Variants in ST3GAL2 observed in about 807,000 individuals in gnomAD.
ST3GAL2 encodes CMP-N-acetylneuraminate-beta-galactosamide-alpha-2,3-sialyltransferase 2.
Under a neutral mutation model 37.5 loss-of-function variants are expected in ST3GAL2, and 16 were observed. The observed-to-expected ratio is 0.43, with a 90% CI of 0.29 to 0.65. The LOEUF (loss-of-function observed/expected upper bound fraction) is 0.65, where lower values mean the gene tolerates loss of function less well. Among genes scored for constraint, ST3GAL2 ranks in the 30% least tolerant of loss-of-function variants. The probability of loss-of-function intolerance (pLI) is 0.17; values close to 1 mark genes in which losing one functional copy is unlikely to be tolerated. For synonymous variants in ST3GAL2, 238 were observed against 202.9 expected, an observed-to-expected ratio of 1.17 and a Z score of -1.47; for missense variants, 383 against 487.8, an observed-to-expected ratio of 0.79 and a Z score of 2.02.
intron 1 of ST3GAL2, among the ~76,000 whole-genome samples, chr16:70,414,884 A>T (rs1011593630): frequency 1.3e-5 from 2 of 149,364 alleles, no homozygotes; most frequent in African/African-American, 2.5e-5. Flanking sequence ...TTATTTATTT[A>T]TTTTTTTGAG....
intron 1 of ST3GAL2, among the ~76,000 whole-genome samples, chr16:70,418,990 G>T (rs1164587133): frequency 6.6e-6 from 1 of 152,172 alleles, no homozygotes; most frequent in African/African-American, 2.4e-5. Context: ...CTCCTAAAGG[G>T]CCCAACCCGG....
intron 1 of ST3GAL2, among the ~76,000 whole-genome samples, chr16:70,411,338 G>T (rs1175384986): frequency 6.6e-6 from 1 of 151,638 alleles, no homozygotes; most frequent in Non-Finnish European, 1.5e-5. Context: ...TGGGCGGAGC[G>T]GAGATCACAC....
At chr16:70,388,303 C>CT in intron 4 of ST3GAL2, 64 bp downstream of exon 4, 2 of 1,602,224 alleles carry the variant, frequency 1.2e-6, no homozygotes, top group South Asian at 2.2e-5. Flanking sequence ...AATCTGGCCC[C>CT]TAGAAGACTC....
intron 1 of ST3GAL2, among the ~76,000 whole-genome samples, chr16:70,419,764 A>T (rs556767963): frequency 6.6e-6 from 1 of 152,240 alleles, no homozygotes; most frequent in Non-Finnish European, 1.5e-5. Flanking sequence ...GTTCTTTCTC[A>T]TCATCAGCCC....
chr16:70,390,206 C>T (rs1037684696), intron 3 of ST3GAL2, among the ~76,000 whole-genome samples: 4 of 152,200 alleles, frequency 2.6e-5, no homozygotes, highest in Non-Finnish European at 5.9e-5. Context: ...TCCCGAGTAG[C>T]TGGGACCACA....
rs59060353 is a variant in ST3GAL2 at position 70,408,890 on chromosome 16, C to CAAAA, written c.-1003-9361_-1003-9358dup. 3.5e-3 allele frequency among the ~76,000 whole-genome samples: 211 copies of CAAAA among 59,870 alleles called. 8 individuals carry two copies. The highest frequency in any genetic ancestry group is 0.021 in the Middle Eastern group (1 of 48). The allele number at this position is 59,870 out of a possible 152,430, so 39.3% of individuals were successfully genotyped here. A position where few individuals can be genotyped will look rare whatever the true frequency, so the allele number is the denominator to read the frequency against. On this transcript the variant is annotated intron_variant, in intron 1 of 6. Coordinates refer to ENST00000342907, the MANE Select transcript of ST3GAL2 (RefSeq NM_006927.4). ...TCCTGTAGGAGACAGCTCAAAGAAA[C>CAAAA]AAAAAAAAAAAAAAAAAAAAAAAAA... is the stretch of plus-strand genomic sequence containing the variant.
intron 1 of ST3GAL2, among the ~76,000 whole-genome samples, chr16:70,413,929 C>CA (rs1409114935): frequency 2.6e-5 from 4 of 152,142 alleles, no homozygotes; most frequent in Non-Finnish European, 4.4e-5. Context: ...CTTCCAGACT[C>CA]AGAGACCAGC....
chr16:70,433,820 T>G (rs780484942), intron 1 of ST3GAL2, among the ~76,000 whole-genome samples: 2 of 152,208 alleles, frequency 1.3e-5, no homozygotes, highest in Non-Finnish European at 2.9e-5. Flanking sequence ...TGCAACCAAA[T>G]AGGATTCCTT....
intron 3 of ST3GAL2, among the ~76,000 whole-genome samples, chr16:70,394,597 C>G (rs2047502853): frequency 6.6e-6 from 1 of 152,192 alleles, no homozygotes. Context: ...AGGCTGGTCT[C>G]TAACTCCTGG....
In ST3GAL2 at chr16:70,395,431, C is replaced by A. The variant is rs375476873; in HGVS notation, c.340-256G>T. Among the ~76,000 whole-genome samples, 12 of 152,326 alleles carry A rather than the reference C, an allele frequency of 7.9e-5. No homozygotes were observed. In the East Asian group the frequency reaches 9.6e-4, roughly 12 times the overall value. On this transcript the variant is annotated intron_variant, in intron 2 of 6. Coordinates refer to ENST00000342907, the MANE Select transcript of ST3GAL2 (RefSeq NM_006927.4). ...GGTGCCCTGCTAGTCACAGTTAGCTCTGATGCACTAGAAGGGGCTCAGGGA... is the reference window on the plus strand; with the variant it reads ...GGTGCCCTGCTAGTCACAGTTAGCTATGATGCACTAGAAGGGGCTCAGGGA...
At position 70,382,911 on chromosome 16, in the gene ST3GAL2, T is replaced by C. The variant is rs900738605; in HGVS notation, c.773A>G (p.Asn258Ser). The C allele has an allele frequency of 2.5e-6, 4 of 1,613,490 alleles. No homozygotes were observed. Among genetic ancestry groups the C allele is most frequent in the Non-Finnish European group, 3.4e-6 (4 of 1,179,796 alleles). ...GTGGATATACTTGAAGAAGGCTGGG[T>C]TGTAGATCTGGACCTGGGAGGAGAA... The part of the protein sequence containing the change: ...RVDKEKVQIY[N>S]PAFFKYIHDR... Residue 258 changes from asparagine (N) to serine (S), a missense_variant, in exon 6 of 7, where the codon AAC becomes AGC. By Grantham distance (46) the Asn-to-Ser change is conservative. Transcript: ENST00000342907.
At chr16:70,410,591 T>A (rs1260819947) in intron 1 of ST3GAL2, among the ~76,000 whole-genome samples, 1 of 151,870 alleles carries the variant, frequency 6.6e-6, no homozygotes, top group East Asian at 1.9e-4. Flanking sequence ...GGTCTGGAAA[T>A]TATATTACTT....
rs1252858446 is a variant in ST3GAL2 at position 70,388,471 on chromosome 16, C to T, written c.609G>A (p.Glu203=). The stretch of plus-strand genomic sequence containing the variant: ...CGTTGGCGGGCAGGTTCTTGGCACT[C>T]TCAGGGTACATGAAATGGTGGGTGG... ...SRTTHHFMYP[E]SAKNLPANVS... is the part of the protein sequence containing the mutation. Residue 203 remains glutamate, a synonymous_variant, in exon 4 of 7, where the codon GAG becomes GAA. Coordinates refer to ENST00000342907, the MANE Select transcript of ST3GAL2 (RefSeq NM_006927.4). The T allele has an allele frequency of 3.1e-6, 5 of 1,614,084 alleles. No homozygotes were observed. The highest frequency in any genetic ancestry group is 4.2e-6 in the Non-Finnish European group (5 of 1,179,994).
In ST3GAL2 at chr16:70,395,034, G is replaced by T; in HGVS notation, c.481C>A (p.Leu161Met). ...TCCTGCCCATAGCCAGAGCCCCGCA[G>T]GTTGCCCGAGTTCCCCACCACGGCA... ...RCAVVGNSGN[L>M]RGSGYGQDVD... The change falls in exon 3 of 7, where the codon CTG becomes ATG. Residue 161 changes from leucine to methionine, a missense_variant. Around this residue, in one of 2 missense-constraint regions of ST3GAL2, gnomAD observed 223 missense variants for 239.1 expected, o/e 0.93. Transcript: ENST00000342907. 6.2e-7 allele frequency: 1 copy of T among 1,613,940 alleles called. No homozygotes were observed. Among genetic ancestry groups the T allele is most frequent in the Non-Finnish European group, 8.5e-7 (1 of 1,179,966 alleles).
intron 1 of ST3GAL2, among the ~76,000 whole-genome samples, chr16:70,402,512 A>G (rs1255221138): frequency 6.6e-6 from 1 of 152,170 alleles, no homozygotes; most frequent in African/African-American, 2.4e-5. Context: ...CTCTATAAAG[A>G]TAATAATAGA....
chr16:70,426,257 G>T (rs1399753387), intron 1 of ST3GAL2, among the ~76,000 whole-genome samples: 2 of 139,472 alleles, frequency 1.4e-5, no homozygotes, highest in East Asian at 4.5e-4. Context: ...GCAGTGGCGC[G>T]ATCTCGGCTC....
At chr16:70,432,315 G>A (rs944145498) in intron 1 of ST3GAL2, among the ~76,000 whole-genome samples, 8 of 152,118 alleles carry the variant, frequency 5.3e-5, no homozygotes, top group Admixed American at 5.2e-4. Context: ...AAGATGACCT[G>A]CTCTAAGAAT....
Position 70,399,480 on chromosome 16 carries a change from T to A in ST3GAL2, c.-950A>T, listed in dbSNP as rs1053618009. ...CTATCCTGCTGTGAGCTCACAGTAA[T>A]CCCCTGGCAGGTTCCCCTTCACATG... On this transcript the variant is annotated 5_prime_UTR_variant, in exon 2 of 7. Transcript: ENST00000342907. 1 of 398,550 alleles carries A rather than the reference T, an allele frequency of 2.5e-6. No individual in the cohort carries two copies. The highest frequency in any genetic ancestry group is 2.1e-5 in the African/African-American group (1 of 48,616). The allele number at this position is 398,550 out of a possible 1,614,324, so 24.7% of individuals were successfully genotyped here. A position where few individuals can be genotyped will look rare whatever the true frequency, so the allele number is the denominator to read the frequency against.
At chr16:70,415,851 C>A (rs1284882108) in intron 1 of ST3GAL2, among the ~76,000 whole-genome samples, 2 of 137,658 alleles carry the variant, frequency 1.5e-5, no homozygotes, top group Admixed American at 7.5e-5. Flanking sequence ...TCTTGGCTCA[C>A]CGCAACCTCC....
Sources: gnomAD v4.1 joint callset for allele counts (sites outside exome capture counted in the v4.1 genomes callset) on GRCh38, gnomAD v4.1.1 for gene constraint, gnomAD v4.1.1 regional missense constraint, MANE v1.5 for transcripts, NCBI Gene and HGNC (gene_info 2026-07-23, HGNC 2026-07-21) for gene names.